The following DENND4A variants were observed in gnomAD, a reference collection of about 807,000 sequenced individuals.
DENND4A encodes the protein DENN domain containing 4A.
A neutral mutation model predicts 199.3 loss-of-function variants in DENND4A; 70 were observed. The observed-to-expected ratio is 0.35, with a 90% CI of 0.29 to 0.43. The LOEUF (loss-of-function observed/expected upper bound fraction) is 0.43, where lower values mean the gene tolerates loss of function less well. Ranked by LOEUF, DENND4A falls within the 20% of genes least tolerant of loss-of-function variation. The pLI, the probability that DENND4A is intolerant of heterozygous loss-of-function variation, is 1.00. For missense variants in DENND4A, 1,723 were observed against 2,255.8 expected, an observed-to-expected ratio of 0.76 and a Z score of 4.78; for synonymous variants, 686 against 766.9, an observed-to-expected ratio of 0.89 and a Z score of 1.74.
At chr15:65,677,564 C>T (rs369307051) in intron 23 of DENND4A, among the ~76,000 whole-genome samples, 1 of 152,076 alleles carries the variant, frequency 6.6e-6, no homozygotes, top group Non-Finnish European at 1.5e-5. Flanking sequence ...GTTCCAAGGT[C>T]TGTATCTTGC....
intron 1 of DENND4A, among the ~76,000 whole-genome samples, chr15:65,764,356 C>G (rs927368819): frequency 3.3e-5 from 5 of 152,022 alleles, no homozygotes; most frequent in African/African-American, 1.2e-4. Context: ...ATTGGCTGGG[C>G]ATGGTAGCTC....
In DENND4A at chr15:65,706,710, G is replaced by A. The variant is rs558404913; in HGVS notation, c.1954-486C>T. On this transcript the variant is annotated intron_variant, in intron 14 of 32. Transcript: ENST00000443035. Reference sequence around the variant, plus strand: ...GGGGTTTCACCATGTTGGCCAGGACGGTCTCGATCTCTTGACCTTGTGATC... The same window carrying A: ...GGGGTTTCACCATGTTGGCCAGGACAGTCTCGATCTCTTGACCTTGTGATC... 1.7e-3 allele frequency among the ~76,000 whole-genome samples: 254 copies of A among 152,172 alleles called. 2 individuals are homozygous for A. Among genetic ancestry groups the A allele is most frequent in the African/African-American group, 5.8e-3 (239 of 41,526 alleles).
intron 7 of DENND4A, among the ~76,000 whole-genome samples, chr15:65,735,106 G>A (rs1478192964): frequency 1.3e-5 from 2 of 151,354 alleles, no homozygotes; most frequent in African/African-American, 4.9e-5. Context: ...GGCAAGGCGC[G>A]GCGGCTCACA....
intron 1 of DENND4A, among the ~76,000 whole-genome samples, chr15:65,773,504 C>A (rs1363346206): frequency 6.6e-6 from 1 of 152,110 alleles, no homozygotes; most frequent in Non-Finnish European, 1.5e-5. Context: ...AAGAACGACA[C>A]CATCTAAATT....
intron 14 of DENND4A, among the ~76,000 whole-genome samples, chr15:65,711,559 C>T (rs1270183826): frequency 2.0e-5 from 3 of 152,234 alleles, no homozygotes; most frequent in Admixed American, 6.5e-5. Context: ...ACTCAACATA[C>T]AAAATGCAGG....
intron 14 of DENND4A, among the ~76,000 whole-genome samples, chr15:65,712,557 T>C (rs780579638): frequency 2.6e-5 from 4 of 152,202 alleles, no homozygotes; most frequent in Non-Finnish European, 5.9e-5. Context: ...CCCAATGTAG[T>C]ATGTTTTTCC....
chr15:65,700,793 G>C, intron 19 of DENND4A, 118 bp from the exon 20 acceptor site: 1 of 1,106,602 alleles, frequency 9.0e-7, no homozygotes, highest in African/African-American at 1.6e-5. Context: ...CACATACTTA[G>C]CAAAATACAA....
At chr15:65,682,185 T>G (rs370283904) in intron 23 of DENND4A, among the ~76,000 whole-genome samples, 143 of 152,282 alleles carry the variant, frequency 9.4e-4, no homozygotes, top group African/African-American at 3.3e-3. Flanking sequence ...ACACTGACTT[T>G]TCCTCTCTCT....
chr15:65,665,588 A>C, intron 29 of DENND4A, 126 bp from the exon 30 acceptor site: 1 of 647,198 alleles, frequency 1.5e-6, no homozygotes, highest in Non-Finnish European at 2.4e-6. Flanking sequence ...ACAGAAAAAG[A>C]CTGATTTATC....
chr15:65,739,083 T>C (rs2140455840), intron 5 of DENND4A, among the ~76,000 whole-genome samples: 1 of 152,328 alleles, frequency 6.6e-6, no homozygotes, highest in African/African-American at 2.4e-5. Context: ...GCTTAATATT[T>C]ATCAAGCTTC....
At chr15:65,774,974 C>T (rs1218009043) in intron 1 of DENND4A, among the ~76,000 whole-genome samples, 1 of 150,512 alleles carries the variant, frequency 6.6e-6, no homozygotes, top group East Asian at 2.0e-4. Flanking sequence ...TTGGCTCAAG[C>T]AATCCTCCTG....
intron 13 of DENND4A, 122 bp from the exon 14 acceptor site, chr15:65,715,745 G>A (rs770185174): frequency 6.3e-5 from 56 of 894,788 alleles, no homozygotes; most frequent in Non-Finnish European, 8.4e-5. Flanking sequence ...CTACCATTTC[G>A]CAAGTGCTGA....
At chr15:65,790,974 A>G (rs2077702528) in intron 1 of DENND4A, among the ~76,000 whole-genome samples, 1 of 152,242 alleles carries the variant, frequency 6.6e-6, no homozygotes, top group Non-Finnish European at 1.5e-5. Context: ...GGGTAAACAG[A>G]AAATAGAAGG....
At chr15:65,739,003 A>T (rs896308675) in intron 5 of DENND4A, 128 bp from the exon 6 acceptor site, 11 of 610,192 alleles carry the variant, frequency 1.8e-5, no homozygotes, top group Non-Finnish European at 2.6e-5. Context: ...ATGTTCATCA[A>T]ATAACACTGA....
chr15:65,716,068 T>C (rs1410824343), intron 13 of DENND4A, among the ~76,000 whole-genome samples: 2 of 152,018 alleles, frequency 1.3e-5, no homozygotes, highest in East Asian at 1.9e-4. Context: ...AAAAGGTTTA[T>C]TTCCTGATTC....
chr15:65,750,808 T>A (rs1052012449), intron 4 of DENND4A, among the ~76,000 whole-genome samples: 1 of 152,114 alleles, frequency 6.6e-6, no homozygotes, highest in Non-Finnish European at 1.5e-5. Flanking sequence ...GACTTTGGCT[T>A]TTACTAAGAG....
Position 65,660,104 on chromosome 15 carries a change from A to G in DENND4A, c.*1747T>C. 7.6e-6 allele frequency: 4 copies of G among 528,918 alleles called. No individual in the cohort carries two copies. Among genetic ancestry groups the G allele is most frequent in the Non-Finnish European group, 1.0e-5 (3 of 299,282 alleles). The allele number at this position is 528,918 out of a possible 1,614,324, so 32.8% of individuals were successfully genotyped here. ...ACAACTTTCAAATGATTTAAAGAAC[A>G]TGAAGAACAAGTAGAACATGAAGCT... On this transcript the variant is annotated 3_prime_UTR_variant, in exon 33 of 33. Transcript: ENST00000443035.
At chr15:65,696,193 C>T in intron 22 of DENND4A, 173 bp downstream of exon 22, 2 of 690,990 alleles carry the variant, frequency 2.9e-6, no homozygotes, top group South Asian at 4.2e-5. Context: ...CAAGCTTGAA[C>T]ACAGCATGTT....
intron 23 of DENND4A, among the ~76,000 whole-genome samples, chr15:65,685,119 G>T (rs897394733): frequency 1.3e-5 from 2 of 150,108 alleles, no homozygotes; most frequent in African/African-American, 4.9e-5. Context: ...GAGCCACCAC[G>T]CCCCGCCCAC....
Sources: gnomAD v4.1 joint callset for allele counts (sites outside exome capture counted in the v4.1 genomes callset) on GRCh38, gnomAD v4.1.1 for gene constraint, MANE v1.5 for transcripts, NCBI Gene and HGNC (gene_info 2026-07-23, HGNC 2026-07-21) for gene names.